Variants in ATRNL1 observed in about 807,000 individuals in gnomAD.
ATRNL1 encodes the protein attractin like 1.
A neutral mutation model predicts 182.7 loss-of-function variants in ATRNL1; 95 were observed. The ratio of observed to expected loss-of-function variants is 0.52; its 90% CI spans 0.44 to 0.62. The LOEUF is 0.62. Ranked by LOEUF, ATRNL1 falls within the 20% of genes least tolerant of loss-of-function variation. ATRNL1 has a pLI of 0.00. For synonymous variants in ATRNL1, 576 were observed against 568.3 expected (o/e 1.01, Z -0.19); for missense variants, 1,471 against 1,679.5 (o/e 0.88, Z 2.17).
At chr10:115,628,938 C>T (rs537083285) in intron 26 of ATRNL1, among the ~76,000 whole-genome samples, 1 of 152,252 alleles carries the variant, frequency 6.6e-6, no homozygotes, top group African/African-American at 2.4e-5. Flanking sequence ...TCTTGGCCTT[C>T]ATGTCTAAAA....
chr10:115,822,121 A>C (rs1394111048), intron 27 of ATRNL1, among the ~76,000 whole-genome samples: 11 of 152,360 alleles, frequency 7.2e-5, no homozygotes, highest in Non-Finnish European at 2.9e-5. Flanking sequence ...CAGGATTAAG[A>C]AACTCACTCA....
At chr10:115,717,198 T>G (rs1213060613) in intron 26 of ATRNL1, among the ~76,000 whole-genome samples, 1 of 152,212 alleles carries the variant, frequency 6.6e-6, no homozygotes, top group East Asian at 1.9e-4. Context: ...TGCTGTTTTC[T>G]GAATGATGTC....
rs782367609 is a variant in ATRNL1, at chr10:115,093,931, A to C, written c.181A>C (p.Lys61Gln). 2.4e-5 allele frequency: 38 copies of C among 1,595,980 alleles called. No individual in the cohort carries two copies. Among genetic ancestry groups the C allele is most frequent in the Non-Finnish European group, 3.2e-5 (38 of 1,172,830 alleles). ...GCTCTACGCGCAGGTGTCCCAGTCCAAGCCGTGCGAGAGGACCGGCTCCTG... is the reference window on the plus strand; with the variant it reads ...GCTCTACGCGCAGGTGTCCCAGTCCCAGCCGTGCGAGAGGACCGGCTCCTG... ...LALYAQVSQSKPCERTGSCFS... is the reference protein window; with the variant it reads ...LALYAQVSQSQPCERTGSCFS... Residue 61 changes from lysine to glutamine, a missense_variant, in exon 1 of 29, where the codon AAG becomes CAG. Lys to Gln is a moderately conservative substitution (Grantham distance 53). Coordinates refer to ENST00000355044, the MANE Select transcript of ATRNL1 (RefSeq NM_207303.4). The surrounding 1 kb of genome is among the most constrained non-coding windows in gnomAD (Gnocchi z 6.1).
Position 115,492,452 on chromosome 10 carries a change from A to G in ATRNL1, c.3654+23123A>G, listed in dbSNP as rs1481450085. On this transcript the variant is annotated intron_variant, in intron 24 of 28. Transcript: ENST00000355044. ...TCTTGCATCATTAATGCTTACTTTC[A>G]TCTTTGTTATAGTATTTCCTTTTTT... Among the ~76,000 whole-genome samples, 4 of 151,378 alleles carry G rather than the reference A, an allele frequency of 2.6e-5. No individual in the cohort carries two copies. In the East Asian group the frequency reaches 5.8e-4, roughly 22 times the overall value.
intron 28 of ATRNL1, among the ~76,000 whole-genome samples, chr10:115,876,409 A>T (rs928311320): frequency 6.6e-6 from 1 of 152,188 alleles, no homozygotes; most frequent in Non-Finnish European, 1.5e-5. Flanking sequence ...TATTCTATTT[A>T]ATTCATATTT....
At chr10:115,876,747 A>C (rs1371343522) in intron 28 of ATRNL1, among the ~76,000 whole-genome samples, 1 of 152,196 alleles carries the variant, frequency 6.6e-6, no homozygotes, top group Non-Finnish European at 1.5e-5. Flanking sequence ...AATAATTTTA[A>C]AGCATTTTTT....
At position 115,248,965 on chromosome 10, in the gene ATRNL1, T is replaced by TA. The variant is rs1197480188; in HGVS notation, c.1687+7242dup. On this transcript the variant is annotated intron_variant, in intron 10 of 28. Coordinates refer to ENST00000355044, the MANE Select transcript of ATRNL1 (RefSeq NM_207303.4). ...TTCTGTCTTATTTCAAATTTGCATT[T>TA]AAGACTAACTTATGAATTGGCATTT... Among the ~76,000 whole-genome samples the TA allele has an allele frequency of 5.9e-5, 9 of 152,274 alleles. No individual in the cohort carries two copies. In the South Asian group the frequency reaches 1.2e-3, roughly 21 times the overall value.
rs549571976 is a variant in ATRNL1, at chr10:115,945,189, T to C, written c.*410T>C. The C allele has an allele frequency of 6.5e-6, 1 of 153,948 alleles. No homozygotes were observed. The highest frequency in any genetic ancestry group is 2.1e-4 in the South Asian group (1 of 4,878). The allele number at this position is 153,948 out of a possible 1,614,324, so 9.5% of individuals were successfully genotyped here. On this transcript the variant is annotated 3_prime_UTR_variant, in exon 29 of 29. Coordinates refer to ENST00000355044, the MANE Select transcript of ATRNL1 (RefSeq NM_207303.4). ...GCCTCATAAGCAAACTTGAATCACCTGTGTATGAACAGGGAATGAACACAT... is the reference window on the plus strand; with the variant it reads ...GCCTCATAAGCAAACTTGAATCACCCGTGTATGAACAGGGAATGAACACAT...
In ATRNL1 at chr10:115,947,660, A is replaced by G. The variant is rs2133657083; in HGVS notation, c.*2881A>G. 6.5e-6 allele frequency: 1 copy of G among 152,740 alleles called. No individual in the cohort carries two copies. The highest frequency in any genetic ancestry group is 1.9e-4 in the East Asian group (1 of 5,188). 9.5% of individuals were successfully genotyped at this position (152,740 alleles called of 1,614,324 possible). Reference sequence around the variant, plus strand: ...AAAACTTCAAATAGTTCGTATTTAAAAAGGTAATTGATCCTTGCTGTACTT... The same window carrying G: ...AAAACTTCAAATAGTTCGTATTTAAGAAGGTAATTGATCCTTGCTGTACTT... On this transcript the variant is annotated 3_prime_UTR_variant, in exon 29 of 29. Transcript: ENST00000355044.
At chr10:115,720,718 C>T (rs1947396420) in intron 26 of ATRNL1, among the ~76,000 whole-genome samples, 1 of 152,174 alleles carries the variant, frequency 6.6e-6, no homozygotes, top group African/African-American at 2.4e-5. Context: ...GTTTGAGAAC[C>T]AGTGAGCTAC....
chr10:115,609,713 C>T (rs1345033528), intron 26 of ATRNL1, among the ~76,000 whole-genome samples: 1 of 151,998 alleles, frequency 6.6e-6, no homozygotes, highest in East Asian at 1.9e-4. Context: ...TGGGAGGAAG[C>T]AGGGGATAAA....
chr10:115,920,243 C>T (rs1953008757), intron 28 of ATRNL1, among the ~76,000 whole-genome samples: 1 of 152,164 alleles, frequency 6.6e-6, no homozygotes, highest in Admixed American at 6.5e-5. Flanking sequence ...TTTATTTTCA[C>T]CTTCACGGAT....
chr10:115,382,038 A>G lies in ATRNL1; in HGVS notation c.3176-12621A>G, dbSNP rs1283301006. ...GTAATGGTTTATTTTTGGACTTTCA[A>G]TTTTCTTCCATTTATACACAATTTA... On this transcript the variant is annotated intron_variant, in intron 19 of 28. Coordinates refer to ENST00000355044, the MANE Select transcript of ATRNL1 (RefSeq NM_207303.4). Among the ~76,000 whole-genome samples the G allele has an allele frequency of 3.3e-5, 5 of 151,938 alleles. No homozygotes were observed. The East Asian group carries it at 7.7e-4, about 23-fold the overall frequency.
intron 28 of ATRNL1, among the ~76,000 whole-genome samples, chr10:115,872,790 A>G (rs987025702): frequency 6.6e-6 from 1 of 152,244 alleles, no homozygotes; most frequent in African/African-American, 2.4e-5. Flanking sequence ...AATCAGGCAG[A>G]TGCTTCAGTT....
At chr10:115,904,973 G>T (rs1952457025) in intron 28 of ATRNL1, among the ~76,000 whole-genome samples, 1 of 152,156 alleles carries the variant, frequency 6.6e-6, no homozygotes, top group Non-Finnish European at 1.5e-5. Context: ...GCTTCAGCCT[G>T]GAGTTTCTAT....
intron 24 of ATRNL1, among the ~76,000 whole-genome samples, chr10:115,494,277 T>A (rs1325531547): frequency 2.0e-5 from 3 of 152,184 alleles, no homozygotes; most frequent in Admixed American, 6.5e-5. Context: ...ATATAATTTG[T>A]GAAGAGAGAT....
intron 19 of ATRNL1, among the ~76,000 whole-genome samples, chr10:115,352,585 G>C (rs1554941732): frequency 6.6e-6 from 1 of 151,964 alleles, no homozygotes; most frequent in Admixed American, 6.6e-5. Context: ...TATTTGTATA[G>C]TTTCCAAAGT....
intron 24 of ATRNL1, among the ~76,000 whole-genome samples, chr10:115,509,061 C>A (rs559829253): frequency 4.6e-5 from 7 of 152,086 alleles, no homozygotes; most frequent in African/African-American, 1.7e-4. Flanking sequence ...TTCTGAAAAT[C>A]CTACGGTCCT....
chr10:115,393,294 C>T (rs1442197216), intron 19 of ATRNL1, among the ~76,000 whole-genome samples: 2 of 152,052 alleles, frequency 1.3e-5, no homozygotes, highest in East Asian at 3.9e-4. Flanking sequence ...CTTAGGTATA[C>T]AGTATCTATT....
Sources: allele counts gnomAD v4.1 joint callset (sites outside exome capture counted in the v4.1 genomes callset), GRCh38; gene constraint gnomAD v4.1.1; non-coding constraint Gnocchi (gnomAD v3.1); transcripts MANE v1.5; gene names NCBI Gene and HGNC (gene_info 2026-07-23, HGNC 2026-07-21).